GFM2: variants seen among roughly 807,000 people sequenced by gnomAD.
GFM2 encodes the protein GTP dependent ribosome recycling factor mitochondrial 2.
GFM2 carries 72 observed loss-of-function variants against 95.4 expected under a neutral mutation model. The ratio of observed to expected loss-of-function variants is 0.76; its 90% confidence interval spans 0.62 to 0.92. GFM2 has a LOEUF of 0.92. Among genes scored for constraint, GFM2 ranks in the 40% least tolerant of loss-of-function variants. The pLI is 0.00. For synonymous variants in GFM2, 276 were observed against 317.5 expected (o/e 0.87, Z 1.39); for missense variants, 825 against 924.1 (o/e 0.89, Z 1.39).
chr5:74,725,101 A>G (rs1750086982), intron 19 of GFM2: 2 of 152,242 alleles, frequency 1.3e-5, no homozygotes, highest in Non-Finnish European at 2.9e-5. Context: ...AAGTAGAGAA[A>G]TATATGGAAC....
intron 17 of GFM2, among the ~76,000 whole-genome samples, chr5:74,728,770 T>TTTTTTTTTTTTTTGAGA (rs756604027): frequency 1.8e-5 from 2 of 113,794 alleles, no homozygotes; most frequent in African/African-American, 8.2e-5. Flanking sequence ...TTTTTTTTTT[T>TTTTTTTTTTTTTTGAGA]TTTTGAGATG....
At chr5:74,733,897 T>C (rs1270380003) in intron 15 of GFM2, among the ~76,000 whole-genome samples, 1 of 152,220 alleles carries the variant, frequency 6.6e-6, no homozygotes, top group Non-Finnish European at 1.5e-5. Flanking sequence ...GAAAATAATG[T>C]ATATTTTAGA....
chr5:74,746,266 T>C (rs1743381710), intron 8 of GFM2, 101 bp from the exon 9 acceptor site: 2 of 575,180 alleles, frequency 3.5e-6, no homozygotes, highest in Non-Finnish European at 5.6e-6. Flanking sequence ...TAAGAATGTT[T>C]TCTAAAATTT....
intron 2 of GFM2, among the ~76,000 whole-genome samples, chr5:74,761,877 T>G (rs1744299294): frequency 6.6e-6 from 1 of 152,334 alleles, no homozygotes; most frequent in East Asian, 1.9e-4. Flanking sequence ...TGCTTTTTGT[T>G]TCATGAACTG....
chr5:74,763,813 C>T (rs751489076), intron 1 of GFM2, 47 bp from the exon 2 acceptor site: 1 of 1,124,220 alleles, frequency 8.9e-7, no homozygotes, highest in Non-Finnish European at 1.3e-6. Flanking sequence ...TTATGTATTA[C>T]ATGTCAGCAA....
chr5:74,752,268 T>C (rs1743756606), intron 5 of GFM2, among the ~76,000 whole-genome samples: 1 of 152,242 alleles, frequency 6.6e-6, no homozygotes, highest in African/African-American at 2.4e-5. Flanking sequence ...CATATTATTC[T>C]AATTAAATTT....
In GFM2 at chr5:74,750,686, G is replaced by T. The variant is rs543771844; in HGVS notation, c.431-19C>A. 2 of 1,559,438 alleles carry T rather than the reference G, an allele frequency of 1.3e-6. No homozygotes were observed. The highest frequency in any genetic ancestry group is 2.3e-5 in the East Asian group (1 of 44,432). Reference sequence around the variant, plus strand: ...ACATGACCTAAGAAAAAGATAAGACGTATAATGCCTTCTTTTTAACAAAAC... The same window carrying T: ...ACATGACCTAAGAAAAAGATAAGACTTATAATGCCTTCTTTTTAACAAAAC... On this transcript the variant is annotated intron_variant, in intron 6 of 20. Transcript: ENST00000296805.
rs1475120045 is a variant in GFM2, at chr5:74,741,546, A to C, written c.913T>G (p.Leu305Val). The C allele has an allele frequency of 6.4e-7, 1 of 1,558,676 alleles. No homozygotes were observed. The highest frequency in any genetic ancestry group is 8.8e-7 in the Non-Finnish European group (1 of 1,135,644). ...AAATTTACCTTTTCAGCTGGTAACA[A>C]ATCAAAATTCTCACTAAATTCTTCT... is the stretch of plus-strand genomic sequence containing the variant. ...VLEEFSENFD[L>V]LPAEKLQTAI... Residue 305 changes from leucine to valine, a missense_variant, in exon 11 of 21, where the codon TTG becomes GTG. Coordinates refer to ENST00000296805, the MANE Select transcript of GFM2 (RefSeq NM_032380.5).
chr5:74,753,955 T>A (rs1743844669), intron 5 of GFM2, among the ~76,000 whole-genome samples: 1 of 146,864 alleles, frequency 6.8e-6, no homozygotes, highest in Non-Finnish European at 1.5e-5. Context: ...ATTTTAAGAG[T>A]GTGGGGAAAA....
chr5:74,759,522 G>A (rs1352713788), intron 3 of GFM2, 96 bp from the exon 4 acceptor site: 2 of 638,852 alleles, frequency 3.1e-6, no homozygotes, highest in East Asian at 5.4e-5. Context: ...AGCAAATACT[G>A]TAAGTCCAAA....
chr5:74,725,799 A>G (rs1750118722), intron 18 of GFM2, 44 bp from the exon 19 acceptor site: 1 of 1,490,954 alleles, frequency 6.7e-7, no homozygotes, highest in Non-Finnish European at 9.4e-7. Context: ...CTAGATGTGA[A>G]GTGAGAAGTA....
chr5:74,759,247 T>C, intron 4 of GFM2, 122 bp downstream of exon 4: 6 of 668,106 alleles, frequency 9.0e-6, no homozygotes, highest in Non-Finnish European at 7.9e-6. Context: ...TATCAACATC[T>C]ACTTAAAATT....
chr5:74,753,530 G>A (rs1743822947), intron 5 of GFM2, among the ~76,000 whole-genome samples: 1 of 152,136 alleles, frequency 6.6e-6, no homozygotes, highest in African/African-American at 2.4e-5. Context: ...CTGGGAGGTG[G>A]AGGTTGCAGT....
At chr5:74,745,131 G>T (rs1220618558) in intron 10 of GFM2, among the ~76,000 whole-genome samples, 1 of 151,896 alleles carries the variant, frequency 6.6e-6, no homozygotes, top group African/African-American at 2.4e-5. Flanking sequence ...TGAGGTCAGG[G>T]GTTCGAGACC....
intron 7 of GFM2, among the ~76,000 whole-genome samples, chr5:74,748,628 G>T (rs1743511767): frequency 6.6e-6 from 1 of 152,102 alleles, no homozygotes; most frequent in African/African-American, 2.4e-5. Flanking sequence ...ACTGTGGGAG[G>T]CTGAGGCAGG....
intron 19 of GFM2, among the ~76,000 whole-genome samples, chr5:74,723,045 G>A (rs2112200636): frequency 6.6e-6 from 1 of 152,022 alleles, no homozygotes; most frequent in Admixed American, 6.6e-5. Context: ...TAAAGAATGT[G>A]GAAACTGAAA....
chr5:74,764,492 G>T (rs1248003789), intron 1 of GFM2, among the ~76,000 whole-genome samples: 4 of 151,866 alleles, frequency 2.6e-5, no homozygotes, highest in East Asian at 1.9e-4. Context: ...ATATTATGAG[G>T]TTTTTTTTAT....
At chr5:74,757,617 T>G (rs913664978) in intron 5 of GFM2, among the ~76,000 whole-genome samples, 1 of 150,716 alleles carries the variant, frequency 6.6e-6, no homozygotes, top group Non-Finnish European at 1.5e-5. Context: ...TAGTCCCAGC[T>G]ACTCAGGAAG....
intron 2 of GFM2, among the ~76,000 whole-genome samples, chr5:74,761,511 T>C (rs1744281240): frequency 6.6e-6 from 1 of 152,158 alleles, no homozygotes. Context: ...CTAAAACCAT[T>C]AGTTGTTTTC....
Sources: allele counts gnomAD v4.1 joint callset (sites outside exome capture counted in the v4.1 genomes callset), GRCh38; gene constraint gnomAD v4.1.1; transcripts MANE v1.5; gene names NCBI Gene and HGNC (gene_info 2026-07-23, HGNC 2026-07-21).